Variants in TAMM41 observed in about 807,000 individuals in gnomAD.
The protein encoded by TAMM41 is phosphatidate cytidylyltransferase, mitochondrial.
Under a neutral mutation model 44.1 loss-of-function variants are expected in TAMM41, and 36 were observed. The ratio of observed to expected loss-of-function variants is 0.82; its 90% confidence interval spans 0.63 to 1.08. The LOEUF (loss-of-function observed/expected upper bound fraction) is 1.08, where lower values mean the gene tolerates loss of function less well. Ranked by LOEUF, TAMM41 falls within the 50% of genes least tolerant of loss-of-function variation. The pLI is 0.00. For synonymous variants in TAMM41, 164 were observed against 153.1 expected, an observed-to-expected ratio of 1.07 and a Z score of -0.53; for missense variants, 417 against 404.3, an observed-to-expected ratio of 1.03 and a Z score of -0.27.
intron 7 of TAMM41, among the ~76,000 whole-genome samples, chr3:11,795,764 G>A (rs1458260859): frequency 6.6e-6 from 1 of 152,030 alleles, no homozygotes; most frequent in Admixed American, 6.5e-5. Context: ...CTCTCCACTC[G>A]CGTTAGAAAC....
intron 4 of TAMM41, among the ~76,000 whole-genome samples, chr3:11,818,477 A>C (rs2078374281): frequency 6.6e-6 from 1 of 152,198 alleles, no homozygotes; most frequent in South Asian, 2.1e-4. Context: ...AAAAGTAAAA[A>C]TACAAGGAAG....
the TAMM41 span, among the ~76,000 whole-genome samples, chr3:11,733,626 G>A: frequency 6.6e-6 from 1 of 152,002 alleles, no homozygotes; most frequent in Non-Finnish European, 1.5e-5. Flanking sequence ...CTGAGTAGCT[G>A]GGACTACAGG....
At chr3:11,774,490 TA>T in the TAMM41 span, among the ~76,000 whole-genome samples, 1 of 152,148 alleles carries the variant, frequency 6.6e-6, no homozygotes, top group South Asian at 2.1e-4. Context: ...GCACTTTCCG[TA>T]AAACAGCCAC....
the TAMM41 span, among the ~76,000 whole-genome samples, chr3:11,767,952 A>G: frequency 6.6e-6 from 1 of 150,826 alleles, no homozygotes; most frequent in Admixed American, 6.6e-5. Context: ...GATTTTGATT[A>G]TAGATCAAAA....
intron 7 of TAMM41, among the ~76,000 whole-genome samples, chr3:11,805,000 T>G (rs1432427545): frequency 1.5e-5 from 2 of 131,278 alleles, no homozygotes; most frequent in African/African-American, 6.0e-5. Flanking sequence ...CCAGCCCTTT[T>G]TTTTTTTTTT....
chr3:11,815,304 C>T lies in TAMM41; in HGVS notation c.708+1888G>A, dbSNP rs868783322. 2.0e-5 allele frequency among the ~76,000 whole-genome samples: 3 copies of T among 152,100 alleles called. No individual in the cohort carries two copies. The South Asian group carries it at 6.2e-4, about 32-fold the overall frequency. ...ATGAAGGGAAGGTGGAGGAGTGCGG[C>T]TGTGCAGTGAGCTAGAAAACAACCA... On this transcript the variant is annotated intron_variant, in intron 5 of 7. Transcript: ENST00000455809.
chr3:11,758,907 C>T, the TAMM41 span, among the ~76,000 whole-genome samples: 1 of 149,040 alleles, frequency 6.7e-6, no homozygotes, highest in Non-Finnish European at 1.5e-5. Flanking sequence ...CTCCTGACCT[C>T]GTGATCCACC....
At chr3:11,767,305 G>A in the TAMM41 span, among the ~76,000 whole-genome samples, 1 of 152,078 alleles carries the variant, frequency 6.6e-6, no homozygotes, top group African/African-American at 2.4e-5. Context: ...CTGACTTCAA[G>A]TGATCTGCCC....
In TAMM41 at chr3:11,838,237, C is replaced by A. The variant is rs185819424; in HGVS notation, c.411+985G>T. Reference sequence around the variant, plus strand: ...TTTTTTGTTGCTGTTGTTTTTAAGACGGAGTCTCACTCTGTCGCCCAGGCT... The same window carrying A: ...TTTTTTGTTGCTGTTGTTTTTAAGAAGGAGTCTCACTCTGTCGCCCAGGCT... On this transcript the variant is annotated intron_variant, in intron 3 of 7. Transcript: ENST00000455809. Among the ~76,000 whole-genome samples, 3 of 152,144 alleles carry A rather than the reference C, an allele frequency of 2.0e-5. No individual in the cohort carries two copies. The East Asian group carries it at 5.8e-4, about 29-fold the overall frequency.
At chr3:11,786,286 T>TTTATTACTATTA (rs2077416918), downstream of TAMM41, among the ~76,000 whole-genome samples, 1 of 138,872 alleles carries the variant, frequency 7.2e-6, no homozygotes, top group Admixed American at 7.3e-5. Flanking sequence ...TTTATTTAAT[T>TTTATTACTATTA]TTATTATTAT....
chr3:11,808,669 A>T, intron 6 of TAMM41: 1 of 961,668 alleles, frequency 1.0e-6, no homozygotes, highest in Non-Finnish European at 1.2e-6. Flanking sequence ...TGATCTCATA[A>T]ATTACCTTTA....
At chr3:11,808,079 A>G (rs749921835) in intron 6 of TAMM41, 184 bp from the exon 7 acceptor site, 24 of 1,238,606 alleles carry the variant, frequency 1.9e-5, no homozygotes, top group Non-Finnish European at 2.6e-5. Flanking sequence ...AGGAGACCAG[A>G]GCAGCCAGCC....
At chr3:11,779,543 T>C in the TAMM41 span, among the ~76,000 whole-genome samples, 149 of 152,212 alleles carry the variant, frequency 9.8e-4, 2 homozygotes, top group Admixed American at 7.2e-4. Flanking sequence ...TCACCATCCA[T>C]CTCCTGTGAC....
chr3:11,740,589 C>CT, the TAMM41 span, among the ~76,000 whole-genome samples: 156 of 148,896 alleles, frequency 1.0e-3, 1 homozygote, highest in Admixed American at 1.7e-3. Context: ...ATTTCTTTTT[C>CT]TTTTTTTTTT....
chr3:11,754,130 G>A, the TAMM41 span, among the ~76,000 whole-genome samples: 1,468 of 151,980 alleles, frequency 9.7e-3, 31 homozygotes, highest in African/African-American at 0.034. Flanking sequence ...CCTGCTCCTC[G>A]GCTATGGACT....
Position 11,824,558 on chromosome 3 carries a change from T to C in TAMM41, c.562+5156A>G, listed in dbSNP as rs2078664845. Among the ~76,000 whole-genome samples the C allele has an allele frequency of 2.0e-5, 3 of 150,632 alleles. No individual in the cohort carries two copies. The South Asian group carries it at 6.3e-4, about 32-fold the overall frequency. ...ATCCATCCGCCTCCACCTCCCAAAG[T>C]GCTGGGATTACAGGCGTAAGCCACC... On this transcript the variant is annotated intron_variant, in intron 4 of 7. Coordinates refer to ENST00000455809, the MANE Select transcript of TAMM41 (RefSeq NM_001284401.2).
chr3:11,841,311 G>A (rs2079430862), intron 2 of TAMM41, among the ~76,000 whole-genome samples: 1 of 152,070 alleles, frequency 6.6e-6, no homozygotes, highest in African/African-American at 2.4e-5. Flanking sequence ...TTGAACTCCT[G>A]GGCTCAAGCA....
intron 2 of TAMM41, among the ~76,000 whole-genome samples, chr3:11,843,131 C>T (rs768619620): frequency 6.6e-5 from 10 of 152,208 alleles, no homozygotes; most frequent in Non-Finnish European, 1.3e-4. Flanking sequence ...TCTCAATCAC[C>T]TGTGATATCC....
At chr3:11,769,405 G>A in the TAMM41 span, among the ~76,000 whole-genome samples, 1 of 147,018 alleles carries the variant, frequency 6.8e-6, no homozygotes, top group Non-Finnish European at 1.5e-5. Flanking sequence ...GGTTCGATCT[G>A]AGGTTTAAGA....
Sources: gnomAD v4.1 joint callset for allele counts (sites outside exome capture counted in the v4.1 genomes callset) on GRCh38, gnomAD v4.1.1 for gene constraint, MANE v1.5 for transcripts, NCBI Gene and HGNC (gene_info 2026-07-23, HGNC 2026-07-21) for gene names.